The following GRIK1 variants were observed in gnomAD, a reference collection of about 807,000 sequenced individuals.
The protein encoded by GRIK1 is glutamate ionotropic receptor kainate type subunit 1.
In GRIK1, 69 loss-of-function variants were observed where a neutral mutation model predicts 105.7. The observed-to-expected ratio is 0.65, with a 90% CI of 0.54 to 0.80. The LOEUF is 0.80. Ranked by LOEUF, GRIK1 falls within the 30% of genes least tolerant of loss-of-function variation. The pLI, the probability that GRIK1 is intolerant of heterozygous loss-of-function variation, is 0.00. For synonymous variants in GRIK1, 438 were observed against 431.3 expected, an observed-to-expected ratio of 1.02 and a Z score of -0.19; for missense variants, 1,109 against 1,167.3, an observed-to-expected ratio of 0.95 and a Z score of 0.73.
At chr21:29,712,083 T>TACACAC (rs56017389) in intron 1 of GRIK1, among the ~76,000 whole-genome samples, 15,322 of 135,106 alleles carry the variant, frequency 0.11, 1,004 homozygotes, top group South Asian at 0.17. Context: ...TATACATACA[T>TACACAC]ACACACACAC....
At position 29,712,736 on chromosome 21, in the gene GRIK1, A is replaced by C. The variant is rs1207954814; in HGVS notation, c.119-18673T>G. The stretch of plus-strand genomic sequence containing the variant: ...AATATTTATATTTATCTTCTTTTGC[A>C]CTTATACATTAAGGAAAGAAACTAT... On this transcript the variant is annotated intron_variant, in intron 1 of 17. Transcript: ENST00000327783. Among the ~76,000 whole-genome samples the C allele has an allele frequency of 3.3e-5, 5 of 152,120 alleles. No homozygotes were observed. The East Asian group carries it at 9.6e-4, about 29-fold the overall frequency.
At chr21:29,935,493 A>G (rs1036618268) in intron 1 of GRIK1, among the ~76,000 whole-genome samples, 1 of 152,226 alleles carries the variant, frequency 6.6e-6, no homozygotes, top group Non-Finnish European at 1.5e-5. Context: ...ATGGGTCTGT[A>G]CACACTTATG....
rs536979907 is a variant in GRIK1, at chr21:29,790,892, G to A, written c.119-96829C>T. On this transcript the variant is annotated intron_variant, in intron 1 of 17. Coordinates refer to ENST00000327783, the MANE Select transcript of GRIK1 (RefSeq NM_001330994.2). Reference sequence around the variant, plus strand: ...AATTTACATTCCAGGTGGGGTGATGGATTCTAAATAACAAATCAGTTTAAA... The same window carrying A: ...AATTTACATTCCAGGTGGGGTGATGAATTCTAAATAACAAATCAGTTTAAA... Among the ~76,000 whole-genome samples the A allele has an allele frequency of 1.1e-4, 16 of 152,338 alleles. No individual in the cohort carries two copies. In the South Asian group the frequency reaches 1.2e-3, roughly 12 times the overall value.
At chr21:29,876,700 T>A (rs2069204265) in intron 1 of GRIK1, among the ~76,000 whole-genome samples, 1 of 152,226 alleles carries the variant, frequency 6.6e-6, no homozygotes, top group Non-Finnish European at 1.5e-5. Context: ...GAGTTCATTT[T>A]GGACTCAGAT....
intron 1 of GRIK1, among the ~76,000 whole-genome samples, chr21:29,919,151 G>A (rs2071104638): frequency 6.6e-6 from 1 of 152,062 alleles, no homozygotes; most frequent in Non-Finnish European, 1.5e-5. Flanking sequence ...GAAATCAATA[G>A]AAAGGGAGTC....
At chr21:29,757,140 T>A (rs1270446277) in intron 1 of GRIK1, among the ~76,000 whole-genome samples, 1 of 151,342 alleles carries the variant, frequency 6.6e-6, no homozygotes, top group African/African-American at 2.4e-5. Context: ...AAAAATAAAT[T>A]AAAAAATTTA....
At chr21:29,784,174 GC>G (rs1234931971) in intron 1 of GRIK1, among the ~76,000 whole-genome samples, 1 of 152,148 alleles carries the variant, frequency 6.6e-6, no homozygotes. Context: ...TATAAAAGAA[GC>G]TTTTTCAGTT....
intron 1 of GRIK1, among the ~76,000 whole-genome samples, chr21:29,774,725 C>T (rs1418937057): frequency 2.0e-5 from 3 of 151,932 alleles, no homozygotes; most frequent in African/African-American, 7.2e-5. Context: ...GTTGGGATTA[C>T]AGGCGTGAGC....
intron 5 of GRIK1, 137 bp from the exon 6 acceptor site, chr21:29,651,428 T>A (rs2062735207): frequency 8.3e-6 from 5 of 604,194 alleles, no homozygotes; most frequent in Non-Finnish European, 1.4e-5. Flanking sequence ...TGGTTTCAGT[T>A]ACCTGCGGTC....
intron 1 of GRIK1, among the ~76,000 whole-genome samples, chr21:29,859,783 G>A (rs1295062030): frequency 6.6e-6 from 1 of 152,224 alleles, no homozygotes; most frequent in Non-Finnish European, 1.5e-5. Context: ...TTTGGAATTT[G>A]TAGTCAGACA....
At chr21:29,929,739 A>T (rs146731641) in intron 1 of GRIK1, among the ~76,000 whole-genome samples, 1 of 152,224 alleles carries the variant, frequency 6.6e-6, no homozygotes, top group African/African-American at 2.4e-5. Context: ...TAGTACAATC[A>T]TTATGGAAAA....
intron 1 of GRIK1, among the ~76,000 whole-genome samples, chr21:29,852,938 T>C (rs1466315359): frequency 1.3e-5 from 2 of 152,234 alleles, no homozygotes; most frequent in African/African-American, 4.8e-5. Flanking sequence ...TAAAAACCTT[T>C]TGGTAATGTA....
rs1041931702 is a variant in GRIK1, at chr21:29,759,183, T to A, written c.119-65120A>T. On this transcript the variant is annotated intron_variant, in intron 1 of 17. Coordinates refer to ENST00000327783, the MANE Select transcript of GRIK1 (RefSeq NM_001330994.2). ...CCCAGACCAGAGTGCAGTGACACAATCTTGGCTCACTGTAAGCTCCACCTC... is the reference window on the plus strand; with the variant it reads ...CCCAGACCAGAGTGCAGTGACACAAACTTGGCTCACTGTAAGCTCCACCTC... Among the ~76,000 whole-genome samples, 6 of 150,850 alleles carry A rather than the reference T, an allele frequency of 4.0e-5. No homozygotes were observed. In the East Asian group the frequency reaches 1.2e-3, roughly 30 times the overall value.
intron 13 of GRIK1, among the ~76,000 whole-genome samples, chr21:29,580,766 A>G (rs1463563170): frequency 1.3e-5 from 2 of 152,262 alleles, no homozygotes; most frequent in South Asian, 4.1e-4. Context: ...GAAAAAAAAA[A>G]TCACAAAAGA....
intron 1 of GRIK1, among the ~76,000 whole-genome samples, chr21:29,918,447 A>G (rs899581224): frequency 6.6e-6 from 1 of 152,084 alleles, no homozygotes. Flanking sequence ...ACACATACTT[A>G]GATATGAAGC....
chr21:29,723,150 A>C (rs2146864869), intron 1 of GRIK1, among the ~76,000 whole-genome samples: 1 of 152,330 alleles, frequency 6.6e-6, no homozygotes, highest in Non-Finnish European at 1.5e-5. Flanking sequence ...CCCTGTTTCT[A>C]CCAAAAAAAA....
At chr21:29,752,040 A>G (rs1010001483) in intron 1 of GRIK1, among the ~76,000 whole-genome samples, 1 of 152,236 alleles carries the variant, frequency 6.6e-6, no homozygotes, top group Non-Finnish European at 1.5e-5. Context: ...CCTTTTTAGT[A>G]CTGGCAAGAG....
intron 7 of GRIK1, among the ~76,000 whole-genome samples, chr21:29,615,814 G>A (rs2061837434): frequency 6.6e-6 from 1 of 152,094 alleles, no homozygotes; most frequent in African/African-American, 2.4e-5. Context: ...GTTTCACCTG[G>A]CTCACAATAT....
intron 1 of GRIK1, among the ~76,000 whole-genome samples, chr21:29,798,898 C>T (rs1025171222): frequency 3.9e-5 from 6 of 152,120 alleles, no homozygotes; most frequent in South Asian, 2.1e-4. Context: ...TGGTTAGATG[C>T]TGTGTTTGGT....
Sources: gnomAD v4.1 joint callset for allele counts (sites outside exome capture counted in the v4.1 genomes callset) on GRCh38, gnomAD v4.1.1 for gene constraint, MANE v1.5 for transcripts, NCBI Gene and HGNC (gene_info 2026-07-23, HGNC 2026-07-21) for gene names.